The following RBMS1 variants were observed in gnomAD, a reference collection of about 807,000 sequenced individuals.
RBMS1 encodes the protein RNA binding motif single stranded interacting protein 1, also known as RNA-binding motif, single-stranded-interacting protein 1.
A neutral mutation model predicts 62.3 loss-of-function variants in RBMS1; 17 were observed. That is an observed-to-expected ratio of 0.27 (90% CI 0.19 to 0.41). The LOEUF is 0.41. RBMS1 is among the 10% of genes least tolerant of loss of function. The probability of loss-of-function intolerance (pLI) is 1.00; values close to 1 mark genes in which losing one functional copy is unlikely to be tolerated. For missense variants in RBMS1, 334 were observed against 504.5 expected, an observed-to-expected ratio of 0.66 and a Z score of 3.24; for synonymous variants, 172 against 170.0, an observed-to-expected ratio of 1.01 and a Z score of -0.09.
At chr2:160,426,776 G>A (rs904307366) in intron 1 of RBMS1, among the ~76,000 whole-genome samples, 1 of 152,088 alleles carries the variant, frequency 6.6e-6, no homozygotes, top group African/African-American at 2.4e-5. Context: ...ACCTCATTCC[G>A]GGTGACTTCT....
intron 1 of RBMS1, chr2:160,408,016 C>G: frequency 1.4e-6 from 1 of 723,806 alleles, no homozygotes; most frequent in Non-Finnish European, 1.7e-6. Flanking sequence ...CGCCCCATCG[C>G]CCGCCCGGCC....
intron 2 of RBMS1, among the ~76,000 whole-genome samples, chr2:160,347,782 C>T (rs1005841259): frequency 1.3e-5 from 2 of 152,062 alleles, no homozygotes; most frequent in Non-Finnish European, 2.9e-5. Context: ...AGGAATTTTG[C>T]TGCACTTCAA....
intron 1 of RBMS1, among the ~76,000 whole-genome samples, chr2:160,422,042 A>T (rs1352344328): frequency 1.3e-5 from 2 of 152,342 alleles, no homozygotes; most frequent in East Asian, 3.9e-4. Flanking sequence ...AGACAGTTCT[A>T]CTGGCTGTTA....
At position 160,274,449 on chromosome 2, in the gene RBMS1, G is replaced by C. The variant is rs1447766331; in HGVS notation, c.*323C>G. The C allele has an allele frequency of 6.9e-6, 1 of 145,574 alleles. No individual in the cohort carries two copies. The highest frequency in any genetic ancestry group is 1.5e-5 in the Non-Finnish European group (1 of 65,952). 9.0% of individuals were successfully genotyped at this position (145,574 alleles called of 1,614,324 possible). A position where few individuals can be genotyped will look rare whatever the true frequency, so the allele number is the denominator to read the frequency against. On this transcript the variant is annotated 3_prime_UTR_variant, in exon 14 of 14. Transcript: ENST00000348849. ...CTTTGTGCATACCCAGAAAATTGAA[G>C]TTTTCTTTTCTTTTTTTTTTTCTTT...
At chr2:160,329,588 C>G (rs753671876) in intron 2 of RBMS1, among the ~76,000 whole-genome samples, 1 of 152,062 alleles carries the variant, frequency 6.6e-6, no homozygotes, top group Non-Finnish European at 1.5e-5. Context: ...TATGAAAACA[C>G]GTAACTATAA....
intron 1 of RBMS1, among the ~76,000 whole-genome samples, chr2:160,406,626 A>AT (rs1425217458): frequency 3.3e-5 from 5 of 152,244 alleles, no homozygotes; most frequent in African/African-American, 4.8e-5. Flanking sequence ...CATTTTTTAG[A>AT]TAATTTAAAG....
chr2:160,390,688 CAAAAAAAAAAAA>C (rs34478081), intron 1 of RBMS1, among the ~76,000 whole-genome samples: 4 of 60,640 alleles, frequency 6.6e-5, no homozygotes, highest in Admixed American at 1.8e-4. Context: ...GACCCAGTCT[CAAAAAAAAAAAA>C]AAAAAAAAAG....
chr2:160,431,669 G>A (rs1682901702), intron 1 of RBMS1, among the ~76,000 whole-genome samples: 1 of 151,864 alleles, frequency 6.6e-6, no homozygotes, highest in Non-Finnish European at 1.5e-5. Context: ...TAAGAACCAG[G>A]TAATCTGGAC....
rs927879940 is a variant in RBMS1, at chr2:160,374,939, G to A, written c.76-7548C>T. ...GAGTGAAACTACATCTCGGGCGGGGGACGGTGGGGGGGAGGAATTGAACGG... is the reference window on the plus strand; with the variant it reads ...GAGTGAAACTACATCTCGGGCGGGGAACGGTGGGGGGGAGGAATTGAACGG... On this transcript the variant is annotated intron_variant, in intron 1 of 13. Transcript: ENST00000348849. Among the ~76,000 whole-genome samples, 3 of 151,656 alleles carry A rather than the reference G, an allele frequency of 2.0e-5. No individual in the cohort carries two copies. In the South Asian group the frequency reaches 6.3e-4, roughly 32 times the overall value.
chr2:160,334,609 G>A (rs75449693), intron 2 of RBMS1, among the ~76,000 whole-genome samples: 1 of 152,124 alleles, frequency 6.6e-6, no homozygotes, highest in Non-Finnish European at 1.5e-5. Flanking sequence ...GCCACTTCCA[G>A]TGACTATGTG....
At chr2:160,277,519 TA>T in intron 11 of RBMS1, 136 bp from the exon 12 acceptor site, 1 of 566,862 alleles carries the variant, frequency 1.8e-6, no homozygotes, top group Non-Finnish European at 3.2e-6. Context: ...CCTCAAAGCT[TA>T]AATAGTGCAT....
chr2:160,430,862 T>G (rs973940391), intron 1 of RBMS1, among the ~76,000 whole-genome samples: 1 of 151,970 alleles, frequency 6.6e-6, no homozygotes, highest in Non-Finnish European at 1.5e-5. Flanking sequence ...TAGACAAGTT[T>G]TACAACTCTC....
chr2:160,430,523 T>C (rs908457224), intron 1 of RBMS1, among the ~76,000 whole-genome samples: 1 of 152,226 alleles, frequency 6.6e-6, no homozygotes, highest in African/African-American at 2.4e-5. Context: ...ATCCCTATTT[T>C]TCTACTTTTT....
chr2:160,387,729 C>T (rs1235521217), intron 1 of RBMS1, among the ~76,000 whole-genome samples: 1 of 152,074 alleles, frequency 6.6e-6, no homozygotes, highest in Non-Finnish European at 1.5e-5. Flanking sequence ...CAGCCTCCCC[C>T]ACAAAACACA....
At chr2:160,347,609 C>CA (rs1264653130) in intron 2 of RBMS1, among the ~76,000 whole-genome samples, 2 of 152,074 alleles carry the variant, frequency 1.3e-5, no homozygotes, top group East Asian at 3.9e-4. Context: ...CAACAAGTAC[C>CA]AGTATAAACC....
intron 6 of RBMS1, among the ~76,000 whole-genome samples, chr2:160,296,986 T>C (rs1688969516): frequency 6.6e-6 from 1 of 152,058 alleles, no homozygotes; most frequent in Non-Finnish European, 1.5e-5. Flanking sequence ...GTGGCCAGGG[T>C]AGCAGTTAAA....
intron 1 of RBMS1, among the ~76,000 whole-genome samples, chr2:160,413,933 ATAT>A (rs1184240092): frequency 6.6e-6 from 1 of 152,160 alleles, no homozygotes; most frequent in African/African-American, 2.4e-5. Context: ...GTCTCCAATA[ATAT>A]TAATAATGGT....
intron 1 of RBMS1, among the ~76,000 whole-genome samples, chr2:160,421,229 C>T (rs1387449293): frequency 6.6e-6 from 1 of 151,808 alleles, no homozygotes; most frequent in East Asian, 1.9e-4. Context: ...CTGTGCCCTG[C>T]TAGTGTGCGG....
At position 160,453,234 on chromosome 2, in the gene RBMS1, C is replaced by G. The variant is rs534694993; in HGVS notation, c.75+40055G>C. ...GAGAAAAAAAAAAATATGTGCAAAA[C>G]CCTGGAGATCCAAAAGGTTGTGGTG... is the stretch of plus-strand genomic sequence containing the variant. On this transcript the variant is annotated intron_variant, in intron 1 of 13. Transcript: ENST00000348849. 4.6e-5 allele frequency among the ~76,000 whole-genome samples: 7 copies of G among 152,042 alleles called. No individual in the cohort carries two copies. The East Asian group carries it at 1.4e-3, about 29-fold the overall frequency.
Sources: allele counts gnomAD v4.1 joint callset (sites outside exome capture counted in the v4.1 genomes callset), GRCh38; gene constraint gnomAD v4.1.1; transcripts MANE v1.5; gene names NCBI Gene and HGNC (gene_info 2026-07-23, HGNC 2026-07-21).